CPAMD8: variants seen among roughly 807,000 people sequenced by gnomAD.
The protein encoded by CPAMD8 is C3 and PZP like alpha-2-macroglobulin domain containing 8, also known as C3 and PZP-like alpha-2-macroglobulin domain-containing protein 8.
In CPAMD8, 146 loss-of-function variants were observed where a neutral mutation model predicts 224.7. The observed-to-expected ratio is 0.65, with a 90% confidence interval of 0.57 to 0.75. CPAMD8 has a LOEUF of 0.75. Ranked by LOEUF, CPAMD8 falls within the 30% of genes least tolerant of loss-of-function variation. The pLI, the probability that CPAMD8 is intolerant of heterozygous loss-of-function variation, is 0.00. For missense variants in CPAMD8, 2,301 were observed against 2,537.5 expected, an observed-to-expected ratio of 0.91 and a Z score of 2.00; for synonymous variants, 966 against 1,044.6, an observed-to-expected ratio of 0.92 and a Z score of 1.45.
At chr19:16,928,836 C>T in intron 24 of CPAMD8, 106 bp downstream of exon 24, 1 of 880,936 alleles carries the variant, frequency 1.1e-6, no homozygotes, top group African/African-American at 1.7e-5. Context: ...CCATGTTTCC[C>T]TTGCTCCTCC....
intron 27 of CPAMD8, 144 bp downstream of exon 27, chr19:16,921,761 A>G: frequency 1.6e-6 from 1 of 606,384 alleles, no homozygotes. Context: ...TGGAGCTGGG[A>G]CCACCACAGT....
intron 23 of CPAMD8, among the ~76,000 whole-genome samples, chr19:16,933,953 T>A (rs73016307): frequency 1.3e-5 from 2 of 152,158 alleles, no homozygotes. Flanking sequence ...AACAGATGAA[T>A]GGATGAATAC....
chr19:16,975,233 T>G lies in CPAMD8; in HGVS notation c.1934A>C (p.Asp645Ala). The G allele has an allele frequency of 6.2e-7, 1 of 1,607,244 alleles. No homozygotes were observed. The highest frequency in any genetic ancestry group is 8.5e-7 in the Non-Finnish European group (1 of 1,176,630). Residue 645 changes from aspartate to alanine, a missense_variant, in exon 17 of 42, where the codon GAT becomes GCT. Coordinates refer to ENST00000443236, the MANE Select transcript of CPAMD8 (RefSeq NM_015692.5). The part of the protein sequence containing the change: ...AQVFQELEDY[D>A]VSDSFGVSRE... ...GGACACGCCAAAGGAATCAGAAACA[T>G]CATAATCTTCCAGTTCCTGGAAAAC...
chr19:17,014,042 T>C, intron 3 of CPAMD8, among the ~76,000 whole-genome samples: 1 of 16,270 alleles, frequency 6.1e-5, no homozygotes, highest in African/African-American at 1.7e-4. Flanking sequence ...TTTCTTTCTT[T>C]CTCTTTCTCT....
chr19:16,907,246 G>T, intron 29 of CPAMD8, 129 bp from the exon 30 acceptor site: 1 of 1,183,414 alleles, frequency 8.5e-7, no homozygotes, highest in Non-Finnish European at 1.1e-6. Flanking sequence ...GCATCCTTCT[G>T]TGGCTCTCAC....
At chr19:16,926,596 G>A (rs573621052) in intron 25 of CPAMD8, among the ~76,000 whole-genome samples, 11 of 152,216 alleles carry the variant, frequency 7.2e-5, no homozygotes, top group East Asian at 3.9e-4. Context: ...GATTACAGGC[G>A]TGAGCCACCA....
At chr19:16,903,231 T>C (rs1435672193) in intron 34 of CPAMD8, among the ~76,000 whole-genome samples, 2 of 151,772 alleles carry the variant, frequency 1.3e-5, no homozygotes, top group African/African-American at 2.4e-5. Context: ...ACCCGTGACA[T>C]GCACCTGCCC....
At chr19:16,958,559 G>A (rs527839351) in intron 18 of CPAMD8, among the ~76,000 whole-genome samples, 4 of 152,206 alleles carry the variant, frequency 2.6e-5, no homozygotes, top group African/African-American at 9.6e-5. Flanking sequence ...CTTTGCTATT[G>A]TAAATAGTGC....
rs770648090 is a variant in CPAMD8 at position 16,925,282 on chromosome 19, G to A, written c.3461C>T (p.Pro1154Leu). The A allele has an allele frequency of 6.2e-7, 1 of 1,614,208 alleles. No individual in the cohort carries two copies. Among genetic ancestry groups the A allele is most frequent in the South Asian group, 1.1e-5 (1 of 91,084 alleles). The change falls in exon 26 of 42, where the codon CCC (proline) becomes CTC (leucine). Residue 1154 changes from proline to leucine, a missense_variant. By Grantham distance (98) the Pro-to-Leu change is moderately conservative. Around this residue, in one of 4 missense-constraint regions of CPAMD8, gnomAD observed 1,709 missense variants for 1,753.2 expected, o/e 0.97. Coordinates refer to ENST00000443236, the MANE Select transcript of CPAMD8 (RefSeq NM_015692.5). Reference protein sequence around the residue: ...CGEQNMIHFAPNVFVLKYLQK... With the variant: ...CGEQNMIHFALNVFVLKYLQK... The stretch of plus-strand genomic sequence containing the variant: ...AAGATACTTCAAGACAAAGACGTTG[G>A]GTGCAAAGTGGATCATGTTCTGCTC...
chr19:16,932,805 G>A (rs906744649), intron 23 of CPAMD8, among the ~76,000 whole-genome samples: 1 of 152,204 alleles, frequency 6.6e-6, no homozygotes, highest in Non-Finnish European at 1.5e-5. Context: ...AACTTCCCAA[G>A]TCTAATAAGA....
chr19:16,985,967 C>G (rs1457284963), intron 13 of CPAMD8, among the ~76,000 whole-genome samples: 1 of 151,892 alleles, frequency 6.6e-6, no homozygotes, highest in Non-Finnish European at 1.5e-5. Flanking sequence ...TATTAATGTC[C>G]CCCTTATAAA....
At chr19:16,895,913 A>ACC in intron 41 of CPAMD8, 1 of 594,578 alleles carries the variant, frequency 1.7e-6, no homozygotes. Flanking sequence ...GCACACACAC[A>ACC]CACACACACA....
intron 29 of CPAMD8, among the ~76,000 whole-genome samples, 190 bp from the exon 30 acceptor site, chr19:16,907,307 C>CTTTTTTTTT (rs71334641): frequency 1.9e-4 from 15 of 81,074 alleles, no homozygotes; most frequent in Non-Finnish European, 2.2e-4. Context: ...TCTTTCTTGC[C>CTTTTTTTTT]TTTTTTTTTT....
At chr19:16,967,892 T>TATATGTGCATATATACACAC in intron 18 of CPAMD8, among the ~76,000 whole-genome samples, 4 of 49,512 alleles carry the variant, frequency 8.1e-5, no homozygotes, top group South Asian at 4.3e-4. Context: ...TACACACACA[T>TATATGTGCATATATACACAC]GTGTGTGTAT....
intron 19 of CPAMD8, among the ~76,000 whole-genome samples, chr19:16,953,121 C>A (rs1003306047): frequency 2.0e-5 from 3 of 152,092 alleles, no homozygotes; most frequent in Non-Finnish European, 4.4e-5. Flanking sequence ...AGGGAAAAGA[C>A]AATCTTTTTA....
intron 18 of CPAMD8, among the ~76,000 whole-genome samples, chr19:16,962,306 C>G (rs949998179): frequency 6.6e-6 from 1 of 152,070 alleles, no homozygotes; most frequent in African/African-American, 2.4e-5. Context: ...AAAGGTTAGA[C>G]GAATGGCTAA....
intron 16 of CPAMD8, 27 bp downstream of exon 16, chr19:16,975,975 G>A: frequency 3.3e-6 from 5 of 1,536,540 alleles, no homozygotes; most frequent in Non-Finnish European, 4.4e-6. Flanking sequence ...TGGAGGTCTA[G>A]AACCCAAGCC....
intron 21 of CPAMD8, among the ~76,000 whole-genome samples, chr19:16,945,925 G>C (rs1209326330): frequency 6.6e-6 from 1 of 152,192 alleles, no homozygotes; most frequent in African/African-American, 2.4e-5. Flanking sequence ...GTACGAGTTT[G>C]TGCATATGCA....
At chr19:16,983,812 G>A (rs1374115416) in intron 13 of CPAMD8, among the ~76,000 whole-genome samples, 1 of 152,172 alleles carries the variant, frequency 6.6e-6, no homozygotes, top group Non-Finnish European at 1.5e-5. Context: ...GTTAGCATTA[G>A]GGGAAGCCTA....
Sources: allele counts gnomAD v4.1 joint callset (sites outside exome capture counted in the v4.1 genomes callset), GRCh38; gene constraint gnomAD v4.1.1; regional missense constraint gnomAD v4.1.1; transcripts MANE v1.5; gene names NCBI Gene and HGNC (gene_info 2026-07-23, HGNC 2026-07-21).